TRIM55: variants seen among roughly 807,000 people sequenced by gnomAD.
TRIM55 encodes the protein tripartite motif-containing protein 55.
Under a neutral mutation model 60.9 loss-of-function variants are expected in TRIM55, and 50 were observed. The observed-to-expected ratio is 0.82, with a 90% CI of 0.65 to 1.04. TRIM55 has a LOEUF of 1.04. Ranked by LOEUF, TRIM55 falls within the 50% of genes least tolerant of loss-of-function variation. The pLI is 0.00. For synonymous variants in TRIM55, 237 were observed against 238.1 expected (o/e 1.00, Z 0.04); for missense variants, 681 against 666.9 (o/e 1.02, Z -0.23).
upstream of TRIM55, among the ~76,000 whole-genome samples, chr8:66,122,930 T>G (rs2128970672): frequency 6.6e-6 from 1 of 152,340 alleles, no homozygotes; most frequent in South Asian, 2.1e-4. Flanking sequence ...TGAAATATTT[T>G]GAAATGGCCC....
upstream of TRIM55, among the ~76,000 whole-genome samples, chr8:66,125,372 A>G (rs1322627093): frequency 6.6e-6 from 1 of 152,204 alleles, no homozygotes; most frequent in East Asian, 1.9e-4. Flanking sequence ...ATCTTTCAAT[A>G]CCCAGAGCCT....
At chr8:66,165,151 A>ATT (rs1179009391) in intron 9 of TRIM55, among the ~76,000 whole-genome samples, 1 of 152,140 alleles carries the variant, frequency 6.6e-6, no homozygotes, top group African/African-American at 2.4e-5. Context: ...GCCCTTGAAA[A>ATT]TATTCATATT....
intron 9 of TRIM55, among the ~76,000 whole-genome samples, chr8:66,156,987 A>G (rs918742173): frequency 6.6e-6 from 1 of 152,230 alleles, no homozygotes; most frequent in Non-Finnish European, 1.5e-5. Flanking sequence ...ATGGTGAGAG[A>G]GAAAACTCCA....
chr8:66,123,093 T>C (rs1808694679), upstream of TRIM55, among the ~76,000 whole-genome samples: 1 of 152,200 alleles, frequency 6.6e-6, no homozygotes, highest in African/African-American at 2.4e-5. Flanking sequence ...CACAAGGGCA[T>C]TGGTCTTCAC....
rs768983048 is a variant in TRIM55 at position 66,174,576 on chromosome 8, A to C, written c.1630A>C (p.Asn544His). 2.5e-6 allele frequency: 4 copies of C among 1,602,168 alleles called. No individual in the cohort carries two copies. Among genetic ancestry groups the C allele is most frequent in the Admixed American group, 3.5e-5 (2 of 57,666 alleles). Residue 544 changes from asparagine (N) to histidine (H), a missense_variant, in exon 10 of 10, where the codon AAC becomes CAC. Transcript: ENST00000315962. ...CCATATCTTCTCCTTTTCCTGGTTGAACTCCCTAAATGAATGATATTCATT... is the reference window on the plus strand; with the variant it reads ...CCATATCTTCTCCTTTTCCTGGTTGCACTCCCTAAATGAATGATATTCATT... ...ARHIFSFSWL[N>H]SLNE
At chr8:66,129,920 G>A (rs1308596509) in intron 2 of TRIM55, among the ~76,000 whole-genome samples, 2 of 152,164 alleles carry the variant, frequency 1.3e-5, no homozygotes, top group Non-Finnish European at 2.9e-5. Flanking sequence ...AGCTGATTAA[G>A]CAATACCACA....
Position 66,154,135 on chromosome 8 carries a change from AC to A in TRIM55, c.1328del (p.Pro443LeufsTer27). The A allele has an allele frequency of 6.2e-7, 1 of 1,613,804 alleles. No individual in the cohort carries two copies. The highest frequency in any genetic ancestry group is 8.5e-7 in the Non-Finnish European group (1 of 1,179,986). On this transcript the variant is annotated frameshift_variant, in exon 9 of 10. Coordinates refer to ENST00000315962, the MANE Select transcript of TRIM55 (RefSeq NM_184085.2). LOFTEE classifies it high-confidence loss of function. ...GCAGAAACTGCGGATCCCTTGTTTT[AC>A]CCTAGTTGGTATAAAGGCCAAACCC... ...AAAETADPLFYPSWYKGQTRK... is the reference protein window; with the variant it reads ...AAAETADPLFXPSWYKGQTRK...
At chr8:66,167,035 G>A (rs184112024) in intron 9 of TRIM55, among the ~76,000 whole-genome samples, 1 of 152,182 alleles carries the variant, frequency 6.6e-6, no homozygotes, top group Non-Finnish European at 1.5e-5. Context: ...TCCTTCAGTT[G>A]CATCCCATGC....
At chr8:66,166,494 A>G (rs949287432) in intron 9 of TRIM55, among the ~76,000 whole-genome samples, 6 of 152,034 alleles carry the variant, frequency 3.9e-5, no homozygotes, top group African/African-American at 9.7e-5. Flanking sequence ...TTCATGGTAC[A>G]CCTCTTCTTC....
upstream of TRIM55, among the ~76,000 whole-genome samples, chr8:66,123,584 T>A (rs1243574437): frequency 6.6e-6 from 1 of 152,086 alleles, no homozygotes; most frequent in Non-Finnish European, 1.5e-5. Flanking sequence ...GAAAGGAAGA[T>A]AGAGATCAGC....
chr8:66,161,746 A>G (rs1325120135), intron 9 of TRIM55, among the ~76,000 whole-genome samples: 1 of 125,422 alleles, frequency 8.0e-6, no homozygotes, highest in Admixed American at 8.9e-5. Context: ...GGTTAGGTAT[A>G]TTCCTAAGGT....
At chr8:66,119,645 G>A in the TRIM55 span, among the ~76,000 whole-genome samples, 1 of 152,168 alleles carries the variant, frequency 6.6e-6, no homozygotes, top group African/African-American at 2.4e-5. Context: ...ATTCTGGGGC[G>A]AGTGGGGATT....
the TRIM55 span, among the ~76,000 whole-genome samples, chr8:66,119,480 G>A: frequency 6.6e-6 from 1 of 152,194 alleles, no homozygotes; most frequent in Admixed American, 6.5e-5. Flanking sequence ...GCAATTACCT[G>A]CACCAAAGAG....
chr8:66,126,177 G>A (rs539585751), upstream of TRIM55, among the ~76,000 whole-genome samples: 121 of 152,274 alleles, frequency 7.9e-4, 5 homozygotes, highest in South Asian at 0.025. Flanking sequence ...TATGGAAGTA[G>A]GACTCCATTT....
intron 9 of TRIM55, among the ~76,000 whole-genome samples, chr8:66,157,051 T>C (rs1810783349): frequency 6.6e-6 from 1 of 152,214 alleles, no homozygotes; most frequent in Admixed American, 6.5e-5. Context: ...TCTGAAGGGT[T>C]CTGTTTACAT....
intron 7 of TRIM55, 79 bp from the exon 8 acceptor site, chr8:66,152,298 G>C: frequency 2.7e-6 from 4 of 1,496,684 alleles, no homozygotes; most frequent in Non-Finnish European, 3.5e-6. Flanking sequence ...CTTAACTAGG[G>C]CTATAAGCAC....
chr8:66,174,415 C>G, intron 9 of TRIM55, 56 bp from the exon 10 acceptor site: 1 of 1,573,298 alleles, frequency 6.4e-7, no homozygotes, highest in Non-Finnish European at 8.6e-7. Context: ...GTGACTGGAC[C>G]AATCCAAAAA....
At chr8:66,129,463 A>G (rs912425082) in intron 2 of TRIM55, among the ~76,000 whole-genome samples, 2 of 152,228 alleles carry the variant, frequency 1.3e-5, no homozygotes, top group African/African-American at 4.8e-5. Context: ...TGTTCTATAA[A>G]TCTAACATAA....
At chr8:66,132,330 G>A (rs1476810363) in intron 2 of TRIM55, among the ~76,000 whole-genome samples, 1 of 152,184 alleles carries the variant, frequency 6.6e-6, no homozygotes, top group Non-Finnish European at 1.5e-5. Flanking sequence ...GCAGGCACCT[G>A]TAATCCCAGC....
Sources: allele counts gnomAD v4.1 joint callset (sites outside exome capture counted in the v4.1 genomes callset), GRCh38; gene constraint gnomAD v4.1.1; transcripts MANE v1.5; gene names NCBI Gene and HGNC (gene_info 2026-07-23, HGNC 2026-07-21).